Variants in ATG7 observed in about 807,000 individuals in gnomAD.
ATG7 encodes the protein ubiquitin-like modifier-activating enzyme ATG7.
In ATG7, 70 loss-of-function variants were observed where a neutral mutation model predicts 82.4. The observed-to-expected ratio is 0.85, with a 90% confidence interval of 0.70 to 1.04. The LOEUF is 1.04. ATG7 is among the 50% of genes least tolerant of loss of function. The pLI, the probability that ATG7 is intolerant of heterozygous loss-of-function variation, is 0.00. For synonymous variants in ATG7, 287 were observed against 313.0 expected (o/e 0.92, Z 0.88); for missense variants, 792 against 864.3 (o/e 0.92, Z 1.05).
rs1347213966 is a variant in ATG7, at chr3:11,451,805, TA to T, written c.2079+24886del. On this transcript the variant is annotated intron_variant, in intron 20 of 20. Coordinates refer to ENST00000693202, the MANE Select transcript of ATG7 (RefSeq NM_001349232.2). ...AGTCTCAAAAAAAAAAAAAACAAAT[TA>T]AAAAAACCCCAGGCTGCCCTGTCTC... Among the ~76,000 whole-genome samples the T allele has an allele frequency of 2.2e-3, 27 of 12,188 alleles. 1 individual carries two copies. Among genetic ancestry groups the T allele is most frequent in the African/African-American group, 5.9e-3 (25 of 4,244 alleles). 8.0% of individuals were successfully genotyped at this position (12,188 alleles called of 152,430 possible).
At chr3:11,384,810 A>G (rs765783652) in intron 19 of ATG7, among the ~76,000 whole-genome samples, 60 of 152,112 alleles carry the variant, frequency 3.9e-4, no homozygotes, top group Non-Finnish European at 4.1e-4. Flanking sequence ...AGAATACAAA[A>G]ATTGGCCAGG....
At chr3:11,464,197 C>A (rs561646171) in intron 20 of ATG7, among the ~76,000 whole-genome samples, 1 of 151,886 alleles carries the variant, frequency 6.6e-6, no homozygotes, top group African/African-American at 2.4e-5. Flanking sequence ...CATGGTGAAA[C>A]CCCATCTCTA....
intron 20 of ATG7, among the ~76,000 whole-genome samples, chr3:11,452,270 A>G (rs1207035640): frequency 6.0e-5 from 9 of 150,884 alleles, no homozygotes; most frequent in Non-Finnish European, 1.2e-4. Context: ...CTGTAATCCC[A>G]GCTACTTGGG....
At chr3:11,341,630 TAGAG>T (rs1456662320) in intron 12 of ATG7, among the ~76,000 whole-genome samples, 1 of 151,874 alleles carries the variant, frequency 6.6e-6, no homozygotes, top group Non-Finnish European at 1.5e-5. Flanking sequence ...GTAATTTTAG[TAGAG>T]AGAGGGTTTT....
In ATG7 at chr3:11,554,901, G is replaced by A. The variant is rs921628806; in HGVS notation, c.*58G>A. ...GCCGCCTGCTGAGGAGCTCTCCATC[G>A]CCAGAGCAGGACTGCTGACCCCAGG... On this transcript the variant is annotated 3_prime_UTR_variant, in exon 21 of 21. Coordinates refer to ENST00000693202, the MANE Select transcript of ATG7 (RefSeq NM_001349232.2). The A allele has an allele frequency of 2.3e-5, 36 of 1,588,770 alleles. No homozygotes were observed. Among genetic ancestry groups the A allele is most frequent in the Middle Eastern group, 1.7e-4 (1 of 6,030 alleles).
chr3:11,345,301 C>T (rs1189641056), intron 13 of ATG7, among the ~76,000 whole-genome samples: 2 of 152,064 alleles, frequency 1.3e-5, no homozygotes, highest in South Asian at 2.1e-4. Flanking sequence ...CCCAGCTACT[C>T]GGGAGGCTGA....
At chr3:11,509,579 C>T (rs1003313579) in intron 20 of ATG7, among the ~76,000 whole-genome samples, 12 of 152,070 alleles carry the variant, frequency 7.9e-5, no homozygotes, top group Admixed American at 7.9e-4. Context: ...TTAGAGTTTG[C>T]TGAATGAAGA....
At chr3:11,444,391 G>T (rs1054116070) in intron 20 of ATG7, among the ~76,000 whole-genome samples, 1 of 152,098 alleles carries the variant, frequency 6.6e-6, no homozygotes, top group Non-Finnish European at 1.5e-5. Context: ...AAAGAATAGG[G>T]TTTGTCAGAT....
At chr3:11,359,482 C>T (rs2076148187) in intron 15 of ATG7, among the ~76,000 whole-genome samples, 1 of 151,898 alleles carries the variant, frequency 6.6e-6, no homozygotes, top group South Asian at 2.1e-4. Flanking sequence ...GATTGCTTGA[C>T]CCAGGAGTTT....
intron 20 of ATG7, among the ~76,000 whole-genome samples, chr3:11,490,840 A>C (rs1575003437): frequency 6.6e-6 from 1 of 152,346 alleles, no homozygotes; most frequent in East Asian, 1.9e-4. Context: ...CTGAGACATC[A>C]GCTGTTAGCC....
chr3:11,542,188 C>A (rs1356531115), intron 20 of ATG7, among the ~76,000 whole-genome samples: 1 of 152,232 alleles, frequency 6.6e-6, no homozygotes, highest in African/African-American at 2.4e-5. Flanking sequence ...AGCTGAGAGC[C>A]CCAAAACCAG....
At chr3:11,357,264 T>C (rs1307698783) in intron 14 of ATG7, among the ~76,000 whole-genome samples, 1 of 152,178 alleles carries the variant, frequency 6.6e-6, no homozygotes, top group African/African-American at 2.4e-5. Flanking sequence ...TTAGCACCCA[T>C]ATGTGACTCA....
chr3:11,307,139 G>A lies in ATG7; in HGVS notation c.333+79G>A. On this transcript the variant is annotated intron_variant, in intron 6 of 20. Coordinates refer to ENST00000693202, the MANE Select transcript of ATG7 (RefSeq NM_001349232.2). Reference sequence around the variant, plus strand: ...GCAGTGTTTGTGATCAGGCACATGGGTCTGCTGCAGAAACTGGCATATGAA... The same window carrying A: ...GCAGTGTTTGTGATCAGGCACATGGATCTGCTGCAGAAACTGGCATATGAA... 9 of 1,315,182 alleles carry A rather than the reference G, an allele frequency of 6.8e-6. No homozygotes were observed. The South Asian group carries it at 9.9e-5, about 14-fold the overall frequency. 81.5% of individuals were successfully genotyped at this position (1,315,182 alleles called of 1,614,324 possible).
chr3:11,299,019 A>T (rs1946380141), intron 4 of ATG7, 164 bp downstream of exon 4: 1 of 774,492 alleles, frequency 1.3e-6, no homozygotes, highest in South Asian at 2.1e-5. Flanking sequence ...GTTCATTTTC[A>T]TTTATTTTCT....
chr3:11,405,328 T>G (rs1200332173), intron 19 of ATG7, among the ~76,000 whole-genome samples: 1 of 152,154 alleles, frequency 6.6e-6, no homozygotes, highest in Non-Finnish European at 1.5e-5. Flanking sequence ...ACTGTGATTA[T>G]GTGTTACTGA....
intron 14 of ATG7, among the ~76,000 whole-genome samples, chr3:11,349,884 T>A (rs2075410857): frequency 1.3e-5 from 2 of 152,246 alleles, no homozygotes; most frequent in African/African-American, 2.4e-5. Context: ...AAATACCAGA[T>A]AACAAGAGAA....
chr3:11,326,213 T>C (rs970688875), intron 9 of ATG7, among the ~76,000 whole-genome samples: 4 of 152,206 alleles, frequency 2.6e-5, no homozygotes, highest in Admixed American at 1.3e-4. Flanking sequence ...GTAAGCTGTT[T>C]CAATGTTTTG....
intron 20 of ATG7, among the ~76,000 whole-genome samples, chr3:11,521,557 GT>G (rs58493047): frequency 0.82 from 118,124 of 143,656 alleles, 48,522 homozygotes; most frequent in East Asian, 0.92. Flanking sequence ...GGGTTTTTTT[GT>G]TTTTTTTTTT....
intron 18 of ATG7, among the ~76,000 whole-genome samples, chr3:11,375,664 ATTC>A (rs1206458402): frequency 2.0e-5 from 3 of 152,198 alleles, no homozygotes; most frequent in Admixed American, 2.0e-4. Context: ...GTTTCAAGCA[ATTC>A]TTCTGCCTCA....
Sources: gnomAD v4.1 joint callset for allele counts (sites outside exome capture counted in the v4.1 genomes callset) on GRCh38, gnomAD v4.1.1 for gene constraint, MANE v1.5 for transcripts, NCBI Gene and HGNC (gene_info 2026-07-23, HGNC 2026-07-21) for gene names.